The following CELA2B variants were observed in gnomAD, a reference collection of about 807,000 sequenced individuals.
CELA2B encodes chymotrypsin like elastase 2B.
A neutral mutation model predicts 36.5 loss-of-function variants in CELA2B; 27 were observed. That is an observed-to-expected ratio of 0.74 (90% confidence interval 0.55 to 1.02). The LOEUF (loss-of-function observed/expected upper bound fraction) is 1.02. CELA2B is among the 50% of genes least tolerant of loss of function. The pLI, the probability that CELA2B is intolerant of heterozygous loss-of-function variation, is 0.00. For missense variants in CELA2B, 340 were observed against 347.8 expected (o/e 0.98, Z 0.18); for synonymous variants, 143 against 148.5 (o/e 0.96, Z 0.27).
intron 2 of CELA2B, among the ~76,000 whole-genome samples, chr1:15,480,231 G>A (rs1291134882): frequency 1.3e-5 from 2 of 152,084 alleles, no homozygotes; most frequent in African/African-American, 2.4e-5. Flanking sequence ...GACATCCCCT[G>A]TGGAGACGGC....
At chr1:15,489,717 A>G (rs890104028) in intron 7 of CELA2B, among the ~76,000 whole-genome samples, 7 of 152,220 alleles carry the variant, frequency 4.6e-5, no homozygotes, top group Non-Finnish European at 8.8e-5. Context: ...ACAGTCACAC[A>G]TGAACTCCAG....
Position 15,483,327 on chromosome 1 carries a change from C to T in CELA2B, c.420C>T (p.Ala140=). The change falls in exon 5 of 8, where the codon GCC becomes GCT. Residue 140 remains alanine, a synonymous_variant. Transcript: ENST00000375910. The part of the protein sequence containing the change: ...PVSLTDKIQL[A]CLPPAGTILP... ...CCCTCACCGACAAGATCCAGCTGGC[C>T]TGCCTCCCTCCTGCCGGCACCATTC... is the stretch of plus-strand genomic sequence containing the variant. 12 of 1,614,078 alleles carry T rather than the reference C, an allele frequency of 7.4e-6. No homozygotes were observed. Among genetic ancestry groups the T allele is most frequent in the Non-Finnish European group, 1.0e-5 (12 of 1,179,942 alleles).
chr1:15,482,776 T>C (rs1237165409), intron 4 of CELA2B, among the ~76,000 whole-genome samples: 3 of 152,102 alleles, frequency 2.0e-5, no homozygotes, highest in African/African-American at 4.8e-5. Context: ...CCGCATTTTC[T>C]TTTTTCTTTT....
chr1:15,483,938 A>C (rs1708774331), intron 5 of CELA2B, among the ~76,000 whole-genome samples: 1 of 152,214 alleles, frequency 6.6e-6, no homozygotes. Flanking sequence ...CCAAAAAAAA[A>C]AAAGGCATAA....
intron 6 of CELA2B, among the ~76,000 whole-genome samples, chr1:15,486,866 A>T (rs1242487371): frequency 6.6e-6 from 1 of 151,944 alleles, no homozygotes; most frequent in Non-Finnish European, 1.5e-5. Flanking sequence ...TGCCCTACAC[A>T]CTCTGCCCAC....
At chr1:15,489,610 G>A (rs774460953) in intron 7 of CELA2B, among the ~76,000 whole-genome samples, 5 of 152,198 alleles carry the variant, frequency 3.3e-5, no homozygotes, top group Non-Finnish European at 5.9e-5. Flanking sequence ...CAGGTGACAA[G>A]CCAAGGTCAG....
At chr1:15,486,754 T>C (rs1002430349) in intron 6 of CELA2B, among the ~76,000 whole-genome samples, 6 of 152,238 alleles carry the variant, frequency 3.9e-5, no homozygotes, top group African/African-American at 1.4e-4. Context: ...GAAACCTTCC[T>C]GGAGACAGTG....
intron 2 of CELA2B, among the ~76,000 whole-genome samples, chr1:15,477,454 A>C (rs763044878): frequency 2.6e-5 from 4 of 152,236 alleles, no homozygotes; most frequent in Non-Finnish European, 4.4e-5. Flanking sequence ...ACTAAATGAA[A>C]AGTTGGTTAT....
chr1:15,480,647 T>C (rs76155024), intron 2 of CELA2B, among the ~76,000 whole-genome samples: 37,124 of 152,002 alleles, frequency 0.24, 5,198 homozygotes, highest in African/African-American at 0.37. Context: ...ACTCACTCAG[T>C]ATCACAAAAA....
chr1:15,478,565 ATTTTTT>A (rs71002905), intron 2 of CELA2B, among the ~76,000 whole-genome samples: 1 of 125,228 alleles, frequency 8.0e-6, no homozygotes, highest in Non-Finnish European at 1.7e-5. Context: ...ATTTTAATGC[ATTTTTT>A]TTTTTTTTTT....
intron 7 of CELA2B, among the ~76,000 whole-genome samples, chr1:15,488,991 G>A (rs1708839586): frequency 1.3e-5 from 2 of 152,106 alleles, no homozygotes; most frequent in Non-Finnish European, 2.9e-5. Context: ...CATTAATTGG[G>A]GCTTTTTATA....
At chr1:15,482,444 G>A (rs1254868270) in intron 4 of CELA2B, 51 bp downstream of exon 4, 5 of 1,611,480 alleles carry the variant, frequency 3.1e-6, no homozygotes, top group Non-Finnish European at 2.5e-6. Flanking sequence ...GGGAACAGAT[G>A]GGGGTCTCAC....
chr1:15,485,236 A>G (rs1396016958), intron 5 of CELA2B, among the ~76,000 whole-genome samples: 3 of 152,144 alleles, frequency 2.0e-5, no homozygotes, highest in African/African-American at 4.8e-5. Flanking sequence ...GTGAAAAATT[A>G]TGTTAATCTC....
At chr1:15,485,793 G>T in intron 5 of CELA2B, 108 bp from the exon 6 acceptor site, 1 of 1,351,640 alleles carries the variant, frequency 7.4e-7, no homozygotes, top group African/African-American at 1.4e-5. Context: ...CTGTTCCCAT[G>T]TTGCAATGGA....
intron 7 of CELA2B, chr1:15,491,027 G>A: frequency 4.1e-6 from 2 of 482,110 alleles, no homozygotes; most frequent in Admixed American, 3.3e-5. Flanking sequence ...AATTTTTAGG[G>A]GGTTCGAAGG....
In CELA2B at chr1:15,476,468, G is replaced by A. The variant is rs1473822365; in HGVS notation, c.52G>A (p.Gly18Arg). 1.9e-6 allele frequency: 3 copies of A among 1,614,034 alleles called. No homozygotes were observed. The highest frequency in any genetic ancestry group is 2.5e-6 in the Non-Finnish European group (3 of 1,180,006). Residue 18 changes from glycine to arginine, a missense_variant, in exon 2 of 8, where the codon GGG becomes AGG. Transcript: ENST00000375910. ...TTCTCTTTTCACAGCCCTCAGTTGT[G>A]GGGTCTCCACTTACGCGCCTGATAT... Reference protein sequence around the residue: ...STLVAGALSCGVSTYAPDMSR... With the variant: ...STLVAGALSCRVSTYAPDMSR...
At chr1:15,485,809 G>C in intron 5 of CELA2B, 92 bp from the exon 6 acceptor site, 9 of 1,467,282 alleles carry the variant, frequency 6.1e-6, no homozygotes, top group Non-Finnish European at 8.5e-6. Context: ...ATGGATGGAA[G>C]ATGGTAACAG....
rs779939071 is a variant in CELA2B at position 15,482,357 on chromosome 1, T to C, written c.320T>C (p.Val107Ala). 6.2e-7 allele frequency: 1 copy of C among 1,614,136 alleles called. No homozygotes were observed. Among genetic ancestry groups the C allele is most frequent in the Admixed American group, 1.7e-5 (1 of 60,024 alleles). Residue 107 changes from valine to alanine, a missense_variant, in exon 4 of 8, where the codon GTG (valine) becomes GCG (alanine). By Grantham distance (64) the Val-to-Ala change is moderately conservative. Coordinates refer to ENST00000375910, the MANE Select transcript of CELA2B (RefSeq NM_015849.3). ...GCCGTCAGTGTCTCTAAGATTGTGG[T>C]GCACAAGGACTGGAACTCCGACCAG... ...SLAVSVSKIVVHKDWNSDQVS... is the reference protein window; with the variant it reads ...SLAVSVSKIVAHKDWNSDQVS...
In CELA2B at chr1:15,487,381, T is replaced by C. The variant is rs1335367703; in HGVS notation, c.736T>C (p.Tyr246His). The C allele has an allele frequency of 9.9e-6, 16 of 1,614,112 alleles. No individual in the cohort carries two copies. The highest frequency in any genetic ancestry group is 2.7e-5 in the African/African-American group (2 of 74,928). ...CACGTCGGTCCTTGGTTGCAACTAC[T>C]ACTACAAGCCCTCCATCTTCACGCG... is the stretch of plus-strand genomic sequence containing the variant. ...SLTSVLGCNY[Y>H]YKPSIFTRVS... Residue 246 changes from tyrosine (Y) to histidine (H), a missense_variant, in exon 7 of 8, where the codon TAC becomes CAC. Coordinates refer to ENST00000375910, the MANE Select transcript of CELA2B (RefSeq NM_015849.3).
Sources: allele counts gnomAD v4.1 joint callset (sites outside exome capture counted in the v4.1 genomes callset), GRCh38; gene constraint gnomAD v4.1.1; transcripts MANE v1.5; gene names NCBI Gene and HGNC (gene_info 2026-07-23, HGNC 2026-07-21).